Variants in DYRK1A observed in about 807,000 individuals in gnomAD.
The protein encoded by DYRK1A is dual specificity tyrosine-phosphorylation-regulated kinase 1A.
In DYRK1A, 9 loss-of-function variants were observed where a neutral mutation model predicts 79.7. That is an observed-to-expected ratio of 0.11 (90% CI 0.07 to 0.20). The LOEUF is 0.20. DYRK1A is among the 10% of genes least tolerant of loss of function. The pLI is 1.00. For missense variants in DYRK1A, 622 were observed against 956.0 expected, an observed-to-expected ratio of 0.65 and a Z score of 4.61; for synonymous variants, 349 against 329.7, an observed-to-expected ratio of 1.06 and a Z score of -0.63.
At chr21:37,413,595 T>C (rs1255491549) in intron 1 of DYRK1A, among the ~76,000 whole-genome samples, 2 of 152,098 alleles carry the variant, frequency 1.3e-5, no homozygotes, top group African/African-American at 4.8e-5. Context: ...TAGATACTCC[T>C]TTGTTAGGGA....
At chr21:37,365,636 G>C (rs549625624), upstream of DYRK1A, 1 of 152,328 alleles carries the variant, frequency 6.6e-6, no homozygotes, top group African/African-American at 2.4e-5. Context: ...AAGGGGTAGG[G>C]AGAATAAAAA....
chr21:37,431,418 C>A (rs7279068), intron 2 of DYRK1A, among the ~76,000 whole-genome samples: 2,050 of 152,136 alleles, frequency 0.013, 49 homozygotes, highest in African/African-American at 0.047. Flanking sequence ...TAGTGAGCTG[C>A]GAAGTTGCCC....
intron 2 of DYRK1A, among the ~76,000 whole-genome samples, chr21:37,430,654 C>CT (rs1184156936): frequency 3.3e-5 from 5 of 152,170 alleles, no homozygotes; most frequent in Admixed American, 6.5e-5. Flanking sequence ...AGTGTGAGCC[C>CT]TGGCAGGAAG....
chr21:37,376,917 T>G (rs1327817235), intron 1 of DYRK1A, among the ~76,000 whole-genome samples: 2 of 152,182 alleles, frequency 1.3e-5, no homozygotes, highest in Admixed American at 1.3e-4. Flanking sequence ...ACCAGAAATG[T>G]ATGCATGTGT....
At chr21:37,500,655 G>T (rs2053414252) in intron 9 of DYRK1A, among the ~76,000 whole-genome samples, 1 of 151,964 alleles carries the variant, frequency 6.6e-6, no homozygotes, top group Non-Finnish European at 1.5e-5. Flanking sequence ...TGAAAATATG[G>T]TTATCCAAAT....
intron 5 of DYRK1A, among the ~76,000 whole-genome samples, chr21:37,485,848 C>A (rs2052843717): frequency 6.6e-6 from 1 of 152,064 alleles, no homozygotes; most frequent in African/African-American, 2.4e-5. Context: ...AGCAGTAATT[C>A]TCATTTTAAA....
chr21:37,423,323 C>G (rs2050527698), intron 2 of DYRK1A, among the ~76,000 whole-genome samples: 1 of 152,274 alleles, frequency 6.6e-6, no homozygotes, highest in African/African-American at 2.4e-5. Context: ...CCTCCTCCCC[C>G]ATTCAGTCCT....
In DYRK1A at chr21:37,513,090, C is replaced by G. The variant is rs2053807093; in HGVS notation, c.*559C>G. 1 of 155,156 alleles carries G rather than the reference C, an allele frequency of 6.4e-6. No homozygotes were observed. The highest frequency in any genetic ancestry group is 2.4e-5 in the African/African-American group (1 of 41,398). 9.6% of individuals were successfully genotyped at this position (155,156 alleles called of 1,614,324 possible). A position where few individuals can be genotyped will look rare whatever the true frequency, so the allele number is the denominator to read the frequency against. ...AGGGACCTCCAGCTTCCACAAACAC[C>G]ATCTTCAGCTGTATGAAAGGGACGG... is the stretch of plus-strand genomic sequence containing the variant. On this transcript the variant is annotated 3_prime_UTR_variant, in exon 12 of 12. Coordinates refer to ENST00000647188, the MANE Select transcript of DYRK1A (RefSeq NM_001347721.2).
intron 6 of DYRK1A, chr21:37,488,726 G>A (rs1601260337): frequency 2.1e-5 from 21 of 985,340 alleles, no homozygotes; most frequent in Non-Finnish European, 2.4e-5. Context: ...TTCATTGGAC[G>A]AACATTGTGA....
chr21:37,456,610 T>C (rs1049442012), intron 2 of DYRK1A, among the ~76,000 whole-genome samples: 6 of 152,142 alleles, frequency 3.9e-5, no homozygotes, highest in African/African-American at 1.2e-4. Flanking sequence ...TCTTGTCTTT[T>C]ATGGGGAATT....
At chr21:37,424,475 A>G (rs1311447343) in intron 2 of DYRK1A, among the ~76,000 whole-genome samples, 1 of 151,964 alleles carries the variant, frequency 6.6e-6, no homozygotes, top group African/African-American at 2.4e-5. Context: ...CCATTTTTTT[A>G]ACTAATTGAG....
At chr21:37,467,903 A>G (rs1317562053) in intron 2 of DYRK1A, among the ~76,000 whole-genome samples, 1 of 152,162 alleles carries the variant, frequency 6.6e-6, no homozygotes, top group Non-Finnish European at 1.5e-5. Context: ...ATTGGAAAAG[A>G]AAAATAAAAT....
Position 37,399,778 on chromosome 21 carries a change from A to G in DYRK1A, c.-76-20521A>G, listed in dbSNP as rs1023492395. On this transcript the variant is annotated intron_variant, in intron 1 of 11. Transcript: ENST00000647188. The stretch of plus-strand genomic sequence containing the variant: ...AGCAGTGAGACTGTACATCATTCCA[A>G]ATGAGATGTTGATGTAGATTAAGCA... Among the ~76,000 whole-genome samples the G allele has an allele frequency of 2.6e-5, 4 of 152,168 alleles. No individual in the cohort carries two copies. The South Asian group carries it at 8.3e-4, about 32-fold the overall frequency.
intron 1 of DYRK1A, among the ~76,000 whole-genome samples, chr21:37,397,198 A>G (rs1349497316): frequency 2.0e-5 from 3 of 152,206 alleles, no homozygotes; most frequent in Non-Finnish European, 2.9e-5. Flanking sequence ...TTGGGCCGTC[A>G]TGTGCTGGGC....
intron 1 of DYRK1A, among the ~76,000 whole-genome samples, chr21:37,399,705 G>A (rs2050020095): frequency 6.6e-6 from 1 of 152,126 alleles, no homozygotes; most frequent in South Asian, 2.1e-4. Flanking sequence ...TACATTACAT[G>A]TCTTCCAGTG....
intron 2 of DYRK1A, among the ~76,000 whole-genome samples, chr21:37,434,158 C>T (rs73408670): frequency 0.026 from 3,934 of 152,226 alleles, 161 homozygotes; most frequent in African/African-American, 0.09. Flanking sequence ...GCATGCTCTT[C>T]TCTTGGAATC....
At position 37,518,483 on chromosome 21, in the gene DYRK1A, T is replaced by C. The variant is rs928215692; in HGVS notation, c.*5952T>C. ...GATGACCATCACACTAGCAGGATTT[T>C]AGATTCAGAGTTGGGGTGGGGCCTG... On this transcript the variant is annotated 3_prime_UTR_variant, in exon 12 of 12. Transcript: ENST00000647188. 6.6e-6 allele frequency: 1 copy of C among 152,246 alleles called. No individual in the cohort carries two copies. The highest frequency in any genetic ancestry group is 1.5e-5 in the Non-Finnish European group (1 of 68,066). 9.4% of individuals were successfully genotyped at this position (152,246 alleles called of 1,614,324 possible). A position where few individuals can be genotyped will look rare whatever the true frequency, so the allele number is the denominator to read the frequency against.
intron 1 of DYRK1A, among the ~76,000 whole-genome samples, chr21:37,373,132 C>T (rs533571421): frequency 1.2e-3 from 183 of 152,138 alleles, no homozygotes; most frequent in African/African-American, 4.2e-3. Context: ...GACTACCACT[C>T]CTTAGCCATG....
Position 37,432,968 on chromosome 21 carries a change from TC to T in DYRK1A, c.10+12586del, listed in dbSNP as rs776560465. On this transcript the variant is annotated intron_variant, in intron 2 of 11. Transcript: ENST00000647188. ...TCCAGCCTGGGCAAAAGAGCAAAAC[TC>T]CATCTAAAAAAAAAAAAAAAAGTTA... 5.2e-3 allele frequency among the ~76,000 whole-genome samples: 730 copies of T among 141,120 alleles called. 7 individuals are homozygous for T. The highest frequency in any genetic ancestry group is 0.012 in the Admixed American group (175 of 14,048). 92.6% of individuals were successfully genotyped at this position (141,120 alleles called of 152,430 possible). A position where few individuals can be genotyped will look rare whatever the true frequency, so the allele number is the denominator to read the frequency against.
Sources: gnomAD v4.1 joint callset for allele counts (sites outside exome capture counted in the v4.1 genomes callset) on GRCh38, gnomAD v4.1.1 for gene constraint, MANE v1.5 for transcripts, NCBI Gene and HGNC (gene_info 2026-07-23, HGNC 2026-07-21) for gene names.